Variants in LSAMP observed in about 807,000 individuals in gnomAD.
LSAMP encodes limbic system associated membrane protein.
Under a neutral mutation model 38.6 loss-of-function variants are expected in LSAMP, and 7 were observed. That is an observed-to-expected ratio of 0.18 (90% CI 0.10 to 0.34). LSAMP has a LOEUF of 0.34. Ranked by LOEUF, LSAMP falls within the 10% of genes least tolerant of loss-of-function variation. The pLI, the probability that LSAMP is intolerant of heterozygous loss-of-function variation, is 1.00. For synonymous variants in LSAMP, 154 were observed against 166.8 expected, an observed-to-expected ratio of 0.92 and a Z score of 0.59; for missense variants, 313 against 420.0, an observed-to-expected ratio of 0.75 and a Z score of 2.23.
chr3:115,955,815 A>G (rs1938436539), intron 3 of LSAMP, among the ~76,000 whole-genome samples: 1 of 152,214 alleles, frequency 6.6e-6, no homozygotes, highest in African/African-American at 2.4e-5. Flanking sequence ...GTTGCCTCCA[A>G]CAAAAATCTC....
At chr3:116,351,565 C>CA in intron 1 of LSAMP, among the ~76,000 whole-genome samples, 1 of 135,016 alleles carries the variant, frequency 7.4e-6, no homozygotes, top group Middle Eastern at 3.8e-3. Flanking sequence ...CAACTCAATA[C>CA]AGTAAGAGCT....
chr3:116,172,216 G>A (rs967982504), intron 1 of LSAMP, among the ~76,000 whole-genome samples: 7 of 151,904 alleles, frequency 4.6e-5, no homozygotes, highest in African/African-American at 7.2e-5. Context: ...CTGGCCATGC[G>A]CCAATTACAG....
At chr3:116,084,964 T>G (rs1300797606) in intron 2 of LSAMP, among the ~76,000 whole-genome samples, 1 of 152,042 alleles carries the variant, frequency 6.6e-6, no homozygotes, top group Admixed American at 6.6e-5. Context: ...GATGTGTGTG[T>G]GTGTGTGTGT....
At chr3:116,077,048 T>G (rs1707759583) in intron 2 of LSAMP, among the ~76,000 whole-genome samples, 1 of 151,840 alleles carries the variant, frequency 6.6e-6, no homozygotes, top group African/African-American at 2.4e-5. Context: ...TTAATACAAA[T>G]TAATATATTT....
At chr3:116,145,078 T>C (rs1576391481) in intron 1 of LSAMP, among the ~76,000 whole-genome samples, 1 of 152,010 alleles carries the variant, frequency 6.6e-6, no homozygotes, top group East Asian at 1.9e-4. Context: ...GCTTTTTCTT[T>C]GGTGATCTTT....
chr3:116,416,008 TATTCTTGCA>T (rs1451922108), intron 1 of LSAMP, among the ~76,000 whole-genome samples: 1 of 152,206 alleles, frequency 6.6e-6, no homozygotes, highest in Admixed American at 6.6e-5. Flanking sequence ...CTTCACTGTA[TATTCTTGCA>T]ATTCTAACAT....
chr3:116,389,167 T>C (rs2048662489), intron 1 of LSAMP, among the ~76,000 whole-genome samples: 2 of 152,168 alleles, frequency 1.3e-5, no homozygotes, highest in African/African-American at 4.8e-5. Flanking sequence ...ATCTGCTTTT[T>C]AACTGGAGGC....
chr3:116,221,550 G>A (rs1343189564), intron 1 of LSAMP, among the ~76,000 whole-genome samples: 1 of 152,160 alleles, frequency 6.6e-6, no homozygotes, highest in Non-Finnish European at 1.5e-5. Flanking sequence ...CCAAAGACAT[G>A]TGTTTGTGTA....
intron 1 of LSAMP, among the ~76,000 whole-genome samples, chr3:116,314,191 C>T (rs963460695): frequency 7.2e-5 from 11 of 152,174 alleles, no homozygotes; most frequent in African/African-American, 2.7e-4. Context: ...AGAACTCAGG[C>T]TCCAGAAATA....
At chr3:116,151,384 A>T (rs757374750) in intron 1 of LSAMP, among the ~76,000 whole-genome samples, 27 of 152,152 alleles carry the variant, frequency 1.8e-4, no homozygotes, top group East Asian at 5.8e-4. Flanking sequence ...AGGTTAACCC[A>T]GTACAAGAAG....
chr3:116,330,581 T>A (rs926625298), intron 1 of LSAMP, among the ~76,000 whole-genome samples: 1 of 152,084 alleles, frequency 6.6e-6, no homozygotes, highest in East Asian at 1.9e-4. Context: ...TTTTCTTTTT[T>A]TCTCCCTTTT....
intron 1 of LSAMP, among the ~76,000 whole-genome samples, chr3:116,325,982 C>T (rs1381219974): frequency 6.6e-6 from 1 of 152,104 alleles, no homozygotes; most frequent in Non-Finnish European, 1.5e-5. Flanking sequence ...CTCTTTTGCC[C>T]ATTTTCAATT....
At chr3:115,846,948 T>C (rs562962247) in intron 4 of LSAMP, among the ~76,000 whole-genome samples, 1 of 152,270 alleles carries the variant, frequency 6.6e-6, no homozygotes, top group Non-Finnish European at 1.5e-5. Context: ...TGGGACACAA[T>C]GCTCCCTTGC....
intron 3 of LSAMP, among the ~76,000 whole-genome samples, chr3:115,965,545 A>T (rs886247885): frequency 6.6e-6 from 1 of 151,774 alleles, no homozygotes; most frequent in Non-Finnish European, 1.5e-5. Context: ...ATCTCTTTTC[A>T]TCAAACAGTA....
intron 1 of LSAMP, among the ~76,000 whole-genome samples, chr3:116,103,247 C>T (rs1708386832): frequency 6.6e-6 from 1 of 152,066 alleles, no homozygotes; most frequent in Non-Finnish European, 1.5e-5. Flanking sequence ...GGGCAGATCA[C>T]TTGAGGCCAG....
rs1933637674 is a variant in LSAMP at position 115,806,713 on chromosome 3, T to G, written c.*3604A>C. On this transcript the variant is annotated 3_prime_UTR_variant, in exon 7 of 7. Coordinates refer to ENST00000490035, the MANE Select transcript of LSAMP (RefSeq NM_002338.5). ...TCTGACTTGGAAGAGAAGGCAAAGG[T>G]CAATGGGGCAGTCCTTCCTGAGAGA... 6.6e-6 allele frequency: 1 copy of G among 152,130 alleles called. No homozygotes were observed. Among genetic ancestry groups the G allele is most frequent in the South Asian group, 2.1e-4 (1 of 4,836 alleles). 9.4% of individuals were successfully genotyped at this position (152,130 alleles called of 1,614,324 possible).
intron 1 of LSAMP, among the ~76,000 whole-genome samples, chr3:116,425,431 A>C (rs1023272355): frequency 6.6e-6 from 1 of 152,226 alleles, no homozygotes; most frequent in East Asian, 1.9e-4. Context: ...TGGAACATGG[A>C]AGATAAGGGT....
Position 116,064,502 on chromosome 3 carries a change from C to CAA in LSAMP, c.388+21820_388+21821dup, listed in dbSNP as rs1241685941. ...TGCATTCCAGAGCGAGACTCCGTCT[C>CAA]AAAAAAAAAAAAAAAAAAGTCAGTC... is the stretch of plus-strand genomic sequence containing the variant. On this transcript the variant is annotated intron_variant, in intron 2 of 6. Transcript: ENST00000490035. Among the ~76,000 whole-genome samples the CAA allele has an allele frequency of 7.3e-3, 657 of 90,234 alleles. 13 individuals carry two copies. The highest frequency in any genetic ancestry group is 0.041 in the South Asian group (107 of 2,602). The allele number at this position is 90,234 out of a possible 152,430, so 59.2% of individuals were successfully genotyped here. A position where few individuals can be genotyped will look rare whatever the true frequency, so the allele number is the denominator to read the frequency against.
At chr3:115,825,969 A>T (rs1168293037) in intron 6 of LSAMP, among the ~76,000 whole-genome samples, 3 of 152,122 alleles carry the variant, frequency 2.0e-5, no homozygotes, top group Admixed American at 2.0e-4. Flanking sequence ...TACGTAAAAA[A>T]TATTATTTTT....
Sources: allele counts gnomAD v4.1 joint callset (sites outside exome capture counted in the v4.1 genomes callset), GRCh38; gene constraint gnomAD v4.1.1; transcripts MANE v1.5; gene names NCBI Gene and HGNC (gene_info 2026-07-23, HGNC 2026-07-21).